The following LRP1B variants were observed in gnomAD, a reference collection of about 807,000 sequenced individuals.
LRP1B encodes the protein LDL receptor related protein 1B.
In LRP1B, 217 loss-of-function variants were observed where a neutral mutation model predicts 556.6. The observed-to-expected ratio is 0.39, with a 90% confidence interval of 0.35 to 0.44. The LOEUF is 0.44. Ranked by LOEUF, LRP1B falls within the 20% of genes least tolerant of loss-of-function variation. The probability of loss-of-function intolerance (pLI) is 1.00; values close to 1 mark genes in which losing one functional copy is unlikely to be tolerated. For missense variants in LRP1B, 5,053 were observed against 5,620.8 expected (o/e 0.90, Z 3.23); for synonymous variants, 2,047 against 1,865.8 (o/e 1.10, Z -2.50).
intron 1 of LRP1B, among the ~76,000 whole-genome samples, chr2:141,967,612 G>A (rs1701599288): frequency 6.6e-6 from 1 of 151,732 alleles, no homozygotes; most frequent in Non-Finnish European, 1.5e-5. Context: ...AGAGAGGGAG[G>A]CACTATTTAA....
intron 1 of LRP1B, among the ~76,000 whole-genome samples, chr2:141,819,155 T>C (rs62155399): frequency 0.31 from 46,981 of 151,450 alleles, 8,073 homozygotes; most frequent in Non-Finnish European, 0.4. Flanking sequence ...GGAGAATCAC[T>C]TGAACCCGGG....
At chr2:141,961,527 T>C (rs1385026179) in intron 1 of LRP1B, among the ~76,000 whole-genome samples, 6 of 151,708 alleles carry the variant, frequency 4.0e-5, no homozygotes, top group Non-Finnish European at 1.5e-5. Context: ...GGTCAATAGC[T>C]CAACAGAGTG....
At chr2:142,048,365 A>T (rs1452611168) in intron 1 of LRP1B, among the ~76,000 whole-genome samples, 1 of 152,008 alleles carries the variant, frequency 6.6e-6, no homozygotes, top group Non-Finnish European at 1.5e-5. Context: ...CACAGTAGGG[A>T]TTCCCCTCAT....
chr2:141,416,276 T>A (rs1231237629), intron 3 of LRP1B, among the ~76,000 whole-genome samples: 1 of 152,086 alleles, frequency 6.6e-6, no homozygotes, highest in East Asian at 1.9e-4. Context: ...GGTTCTGCCA[T>A]TCATGAGGTA....
chr2:140,697,821 T>C (rs1056882068), intron 41 of LRP1B, among the ~76,000 whole-genome samples: 1 of 152,028 alleles, frequency 6.6e-6, no homozygotes, highest in African/African-American at 2.4e-5. Context: ...GAGTTTCTAT[T>C]TGAAGTGATG....
In LRP1B at chr2:140,907,885, T is replaced by G. The variant is rs775516476; in HGVS notation, c.3512A>C (p.Tyr1171Ser). 1 of 1,613,362 alleles carries G rather than the reference T, an allele frequency of 6.2e-7. No homozygotes were observed. Among genetic ancestry groups the G allele is most frequent in the South Asian group, 1.1e-5 (1 of 91,062 alleles). The change falls in exon 22 of 91, where the codon TAT (tyrosine) becomes TCT (serine). Residue 1171 changes from tyrosine (Y) to serine (S), a missense_variant. Tyr to Ser is a moderately radical substitution (Grantham distance 144, BLOSUM62 -2). Coordinates refer to ENST00000389484, the MANE Select transcript of LRP1B (RefSeq NM_018557.3). The stretch of plus-strand genomic sequence containing the variant: ...AATTAAACATGCAATACCACAGAGA[T>G]AGCCTTCATCAGAGCCATCAGGACA... Reference protein sequence around the residue: ...KDCPDGSDEGYLCDECSLNNG... With the variant: ...KDCPDGSDEGSLCDECSLNNG...
chr2:140,967,878 C>G (rs986201289), intron 18 of LRP1B, among the ~76,000 whole-genome samples: 6 of 151,678 alleles, frequency 4.0e-5, no homozygotes, highest in Non-Finnish European at 8.8e-5. Flanking sequence ...GCCTTGCATC[C>G]CAGGGATGAA....
intron 11 of LRP1B, among the ~76,000 whole-genome samples, chr2:141,026,310 T>C (rs1558808715): frequency 6.6e-6 from 1 of 152,090 alleles, no homozygotes; most frequent in Non-Finnish European, 1.5e-5. Context: ...AGCTATATTT[T>C]CTAATAGGTT....
chr2:140,822,823 G>A (rs1691372606), intron 31 of LRP1B, among the ~76,000 whole-genome samples: 1 of 152,122 alleles, frequency 6.6e-6, no homozygotes, highest in Non-Finnish European at 1.5e-5. Flanking sequence ...ATTTCATATG[G>A]TTTTAGAAGC....
intron 46 of LRP1B, 117 bp downstream of exon 46, chr2:140,536,464 T>G: frequency 1.0e-6 from 1 of 954,116 alleles, no homozygotes; most frequent in Non-Finnish European, 1.6e-6. Context: ...TAGATACAGG[T>G]TAATGAGAGA....
chr2:141,044,364 G>C (rs1698802336), intron 11 of LRP1B, among the ~76,000 whole-genome samples: 1 of 151,708 alleles, frequency 6.6e-6, no homozygotes, highest in Admixed American at 6.6e-5. Flanking sequence ...GCATGGGCAA[G>C]GACTTCATGT....
chr2:140,766,878 A>G (rs1689140746), intron 35 of LRP1B, among the ~76,000 whole-genome samples: 1 of 137,304 alleles, frequency 7.3e-6, no homozygotes, highest in African/African-American at 2.8e-5. Flanking sequence ...TATATATAAC[A>G]TATGATAATT....
intron 43 of LRP1B, among the ~76,000 whole-genome samples, chr2:140,545,922 C>A (rs541016983): frequency 2.6e-4 from 39 of 151,886 alleles, no homozygotes; most frequent in African/African-American, 7.7e-4. Flanking sequence ...ACTTGTGTCA[C>A]CTCCGACTTC....
intron 35 of LRP1B, among the ~76,000 whole-genome samples, chr2:140,759,287 T>C (rs1339799944): frequency 1.3e-5 from 2 of 152,142 alleles, no homozygotes; most frequent in Non-Finnish European, 2.9e-5. Context: ...GGTTGCTTTG[T>C]ATAACTCTAA....
intron 60 of LRP1B, among the ~76,000 whole-genome samples, chr2:140,461,724 C>CTCAG (rs1193862407): frequency 6.6e-6 from 1 of 151,918 alleles, no homozygotes; most frequent in Non-Finnish European, 1.5e-5. Flanking sequence ...ATCCCAACTA[C>CTCAG]TCAGGAGACT....
At chr2:140,655,951 C>CAAAAAAAAAAAAAAAAA (rs1286848376) in intron 41 of LRP1B, among the ~76,000 whole-genome samples, 1 of 148,764 alleles carries the variant, frequency 6.7e-6, no homozygotes, top group African/African-American at 2.5e-5. Context: ...TCAAAAAAAA[C>CAAAAAAAAAAAAAAAAA]AAAAAAAGAA....
chr2:141,703,036 T>G (rs1195965448), intron 2 of LRP1B, among the ~76,000 whole-genome samples: 1 of 151,940 alleles, frequency 6.6e-6, no homozygotes, highest in Non-Finnish European at 1.5e-5. Flanking sequence ...TTAATCTGAT[T>G]ATATATAATA....
At chr2:141,180,547 A>G (rs1280541818) in intron 7 of LRP1B, among the ~76,000 whole-genome samples, 1 of 151,934 alleles carries the variant, frequency 6.6e-6, no homozygotes, top group Non-Finnish European at 1.5e-5. Context: ...AAATGTTCAT[A>G]TAGCTTCCAA....
intron 32 of LRP1B, among the ~76,000 whole-genome samples, chr2:140,798,940 A>G (rs1286868516): frequency 6.6e-6 from 1 of 152,154 alleles, no homozygotes; most frequent in Non-Finnish European, 1.5e-5. Flanking sequence ...TACTATGTCT[A>G]TTAGCACTAA....
Sources: gnomAD v4.1 joint callset for allele counts (sites outside exome capture counted in the v4.1 genomes callset) on GRCh38, gnomAD v4.1.1 for gene constraint, MANE v1.5 for transcripts, NCBI Gene and HGNC (gene_info 2026-07-23, HGNC 2026-07-21) for gene names.